Variants in AGBL1 observed in about 807,000 individuals in gnomAD.
AGBL1 encodes the protein AGBL carboxypeptidase 1.
Under a neutral mutation model 118.9 loss-of-function variants are expected in AGBL1, and 130 were observed. The observed-to-expected ratio is 1.09, with a 90% CI of 0.95 to 1.26. The LOEUF (loss-of-function observed/expected upper bound fraction) is 1.26, where lower values mean the gene tolerates loss of function less well. Ranked by LOEUF, AGBL1 falls within the 50% of genes most tolerant of loss-of-function variation. The probability of loss-of-function intolerance (pLI) is 0.00; values close to 1 mark genes in which losing one functional copy is unlikely to be tolerated. For missense variants in AGBL1, 1,584 were observed against 1,298.1 expected, an observed-to-expected ratio of 1.22 and a Z score of -3.38; for synonymous variants, 555 against 478.9, an observed-to-expected ratio of 1.16 and a Z score of -2.08.
At chr15:86,449,941 C>A (rs1187286263) in intron 18 of AGBL1, among the ~76,000 whole-genome samples, 3 of 106,780 alleles carry the variant, frequency 2.8e-5, no homozygotes, top group Admixed American at 1.0e-4. Flanking sequence ...CTTTTGCTGG[C>A]GTATTAAAAA....
chr15:86,765,466 C>A (rs2078084281), intron 22 of AGBL1, among the ~76,000 whole-genome samples: 2 of 151,992 alleles, frequency 1.3e-5, no homozygotes, highest in Non-Finnish European at 2.9e-5. Context: ...GAAAGGGCAC[C>A]CACTTTGCAG....
chr15:87,023,994 G>A (rs1240841218), intron 24 of AGBL1, among the ~76,000 whole-genome samples: 1 of 151,914 alleles, frequency 6.6e-6, no homozygotes, highest in East Asian at 1.9e-4. Context: ...GTGCTAAGAG[G>A]AAGGTTCATA....
intron 23 of AGBL1, among the ~76,000 whole-genome samples, chr15:86,943,915 C>G (rs528319416): frequency 9.7e-4 from 148 of 152,236 alleles, no homozygotes; most frequent in Non-Finnish European, 1.7e-3. Flanking sequence ...AGCCAAATGG[C>G]CCAAACCTAA....
intron 5 of AGBL1, among the ~76,000 whole-genome samples, chr15:86,207,532 C>CT (rs1479977844): frequency 1.3e-5 from 2 of 152,202 alleles, no homozygotes; most frequent in East Asian, 3.9e-4. Context: ...CTTCACATCC[C>CT]TTGTAAGTTG....
intron 22 of AGBL1, among the ~76,000 whole-genome samples, chr15:86,851,533 C>T (rs2079406952): frequency 6.6e-6 from 1 of 152,038 alleles, no homozygotes; most frequent in Non-Finnish European, 1.5e-5. Flanking sequence ...TTTCTGTATC[C>T]CCAGAATTTC....
At chr15:86,083,313 C>T (rs761595907) in intron 1 of AGBL1, 10 of 152,196 alleles carry the variant, frequency 6.6e-5, no homozygotes, top group African/African-American at 9.7e-5. Context: ...GCTCTGATGC[C>T]GTGGGCTGTC....
chr15:86,717,698 CTTTG>C (rs143769448), intron 22 of AGBL1, among the ~76,000 whole-genome samples: 54,060 of 151,706 alleles, frequency 0.36, 10,475 homozygotes, highest in Non-Finnish European at 0.44. Flanking sequence ...CTTCAGGGAT[CTTTG>C]TTTTTTGCCC....
chr15:86,262,900 A>G lies in AGBL1; in HGVS notation c.1086+6A>G. Reference sequence around the variant, plus strand: ...AGCTCTCCTATAGCTTTGAGGTAGGACATATGCTGTGGTTCTGATCTTTGA... The same window carrying G: ...AGCTCTCCTATAGCTTTGAGGTAGGGCATATGCTGTGGTTCTGATCTTTGA... On this transcript the variant is annotated splice_donor_region_variant and intron_variant, in intron 10 of 22. Transcript: ENST00000614907. 1 of 1,586,832 alleles carries G rather than the reference A, an allele frequency of 6.3e-7. No individual in the cohort carries two copies. Among genetic ancestry groups the G allele is most frequent in the Middle Eastern group, 1.7e-4 (1 of 6,022 alleles).
rs536741242 is a variant in AGBL1, at chr15:86,405,642, T to G, written c.2555+8096T>G. 2.6e-5 allele frequency among the ~76,000 whole-genome samples: 4 copies of G among 152,222 alleles called. No individual in the cohort carries two copies. In the East Asian group the frequency reaches 7.7e-4, roughly 29 times the overall value. On this transcript the variant is annotated intron_variant, in intron 18 of 22. Transcript: ENST00000614907. The stretch of plus-strand genomic sequence containing the variant: ...GGAAATAGTACAATGGCTAATACAT[T>G]TTAAGAGATGTACTCAGTAAAATGA...
intron 20 of AGBL1, among the ~76,000 whole-genome samples, chr15:86,549,809 A>G (rs1256273968): frequency 6.7e-6 from 1 of 149,484 alleles, no homozygotes; most frequent in Non-Finnish European, 1.5e-5. Flanking sequence ...ATGGATAATT[A>G]GAACAGAAAG....
intron 22 of AGBL1, among the ~76,000 whole-genome samples, chr15:86,885,480 A>G (rs1026358394): frequency 1.3e-5 from 2 of 152,178 alleles, no homozygotes; most frequent in African/African-American, 2.4e-5. Flanking sequence ...TTACCTACTT[A>G]AAAGTAAAAA....
At chr15:86,658,909 G>A (rs1471685452) in intron 21 of AGBL1, among the ~76,000 whole-genome samples, 1 of 152,156 alleles carries the variant, frequency 6.6e-6, no homozygotes, top group Non-Finnish European at 1.5e-5. Flanking sequence ...AAAGCTGTTT[G>A]GGATGCACTA....
intron 22 of AGBL1, among the ~76,000 whole-genome samples, chr15:86,807,646 A>C (rs1165192633): frequency 6.6e-6 from 1 of 152,008 alleles, no homozygotes; most frequent in Non-Finnish European, 1.5e-5. Flanking sequence ...GAGCCATGAA[A>C]AGTAGGGTGA....
rs192909903 is a variant in AGBL1, at chr15:86,516,709, G to A, written c.2556-6101G>A. On this transcript the variant is annotated intron_variant, in intron 18 of 22. Transcript: ENST00000614907. Reference sequence around the variant, plus strand: ...CCAGCTACTCTGGAGGCTGAGGCAGGAGAATCGCTTGAACCCAGGAGGCGG... The same window carrying A: ...CCAGCTACTCTGGAGGCTGAGGCAGAAGAATCGCTTGAACCCAGGAGGCGG... Among the ~76,000 whole-genome samples the A allele has an allele frequency of 1.4e-3, 213 of 151,240 alleles. No homozygotes were observed. The Middle Eastern group carries it at 0.02, about 14-fold the overall frequency.
chr15:86,929,479 C>A (rs1402340792), intron 23 of AGBL1, among the ~76,000 whole-genome samples: 1 of 152,202 alleles, frequency 6.6e-6, no homozygotes, highest in Non-Finnish European at 1.5e-5. Flanking sequence ...CCTGAATCTA[C>A]CTGTGAATTT....
intron 22 of AGBL1, among the ~76,000 whole-genome samples, chr15:86,896,270 C>T (rs886670482): frequency 3.6e-4 from 54 of 151,830 alleles, no homozygotes; most frequent in Admixed American, 9.2e-4. Flanking sequence ...TGCTGCTTTT[C>T]GTATCTGCTG....
intron 22 of AGBL1, among the ~76,000 whole-genome samples, chr15:86,842,283 T>G (rs2079256759): frequency 6.6e-6 from 1 of 152,116 alleles, no homozygotes; most frequent in African/African-American, 2.4e-5. Flanking sequence ...CTGGAAAGCT[T>G]TTATTGAAAT....
intron 9 of AGBL1, among the ~76,000 whole-genome samples, chr15:86,261,084 CA>C (rs1186805713): frequency 6.6e-6 from 1 of 152,132 alleles, no homozygotes; most frequent in Non-Finnish European, 1.5e-5. Flanking sequence ...ACTTTATTGA[CA>C]AAAACAACCA....
intron 22 of AGBL1, among the ~76,000 whole-genome samples, chr15:86,869,158 T>C (rs966418835): frequency 6.6e-6 from 1 of 152,226 alleles, no homozygotes; most frequent in African/African-American, 2.4e-5. Flanking sequence ...AACTGTCTAA[T>C]GGTCAATTCT....
Sources: gnomAD v4.1 joint callset for allele counts (sites outside exome capture counted in the v4.1 genomes callset) on GRCh38, gnomAD v4.1.1 for gene constraint, MANE v1.5 for transcripts, NCBI Gene and HGNC (gene_info 2026-07-23, HGNC 2026-07-21) for gene names.